PPP1R13B: variants seen among roughly 807,000 people sequenced by gnomAD.
PPP1R13B encodes apoptosis-stimulating of p53 protein 1.
In PPP1R13B, 44 loss-of-function variants were observed where a neutral mutation model predicts 119.8. That is an observed-to-expected ratio of 0.37 (90% CI 0.29 to 0.47). The LOEUF (loss-of-function observed/expected upper bound fraction) is 0.47, where lower values mean the gene tolerates loss of function less well. Ranked by LOEUF, PPP1R13B falls within the 20% of genes least tolerant of loss-of-function variation. PPP1R13B has a pLI of 0.99. For missense variants in PPP1R13B, 1,227 were observed against 1,413.5 expected (o/e 0.87, Z 2.12); for synonymous variants, 542 against 561.5 (o/e 0.97, Z 0.49).
intron 4 of PPP1R13B, chr14:103,763,203 A>T: frequency 1.7e-6 from 1 of 579,564 alleles, no homozygotes; most frequent in Non-Finnish European, 3.1e-6. Flanking sequence ...GAATGTGTCC[A>T]TGAAATAGGG....
intron 12 of PPP1R13B, 118 bp from the exon 13 acceptor site, chr14:103,739,141 G>T: frequency 7.1e-7 from 1 of 1,404,194 alleles, no homozygotes; most frequent in Non-Finnish European, 9.6e-7. Flanking sequence ...CCGCGAAGCA[G>T]CCCTGGAGTG....
intron 1 of PPP1R13B, among the ~76,000 whole-genome samples, chr14:103,812,734 T>G (rs1446369838): frequency 6.6e-6 from 1 of 152,154 alleles, no homozygotes. Flanking sequence ...TAATTTTTAA[T>G]GGGCAAATGA....
intron 4 of PPP1R13B, among the ~76,000 whole-genome samples, chr14:103,767,553 T>G (rs1290757761): frequency 2.0e-5 from 3 of 152,140 alleles, no homozygotes; most frequent in Non-Finnish European, 4.4e-5. Context: ...TGATATATAA[T>G]TCTTGCAGGC....
intron 1 of PPP1R13B, among the ~76,000 whole-genome samples, chr14:103,806,412 T>C (rs1379194313): frequency 6.6e-6 from 1 of 152,192 alleles, no homozygotes; most frequent in Non-Finnish European, 1.5e-5. Flanking sequence ...AAAGCTATAC[T>C]AAATTTTAGT....
chr14:103,841,285 C>CA (rs928305501), intron 1 of PPP1R13B, among the ~76,000 whole-genome samples: 36 of 147,524 alleles, frequency 2.4e-4, no homozygotes, highest in South Asian at 6.4e-4. Flanking sequence ...AACTCTGTCT[C>CA]AAAAAAAAAA....
chr14:103,810,149 C>T (rs1042167486), intron 1 of PPP1R13B, among the ~76,000 whole-genome samples: 4 of 151,974 alleles, frequency 2.6e-5, no homozygotes, highest in South Asian at 2.1e-4. Flanking sequence ...AAAGGCCAGG[C>T]GTGGAGGCTC....
At chr14:103,808,913 G>A (rs965682845) in intron 1 of PPP1R13B, among the ~76,000 whole-genome samples, 2 of 151,938 alleles carry the variant, frequency 1.3e-5, no homozygotes, top group East Asian at 3.9e-4. Context: ...CTGCTGCCCA[G>A]GCTGAGCGCA....
chr14:103,751,408 C>T (rs1012517524), intron 7 of PPP1R13B, among the ~76,000 whole-genome samples: 1 of 152,212 alleles, frequency 6.6e-6, no homozygotes, highest in Non-Finnish European at 1.5e-5. Flanking sequence ...ACCCTCATTT[C>T]ATAAAATGAT....
At chr14:103,797,291 G>A (rs900397569) in intron 2 of PPP1R13B, 80 bp downstream of exon 2, 33 of 1,409,848 alleles carry the variant, frequency 2.3e-5, no homozygotes, top group Non-Finnish European at 2.9e-5. Context: ...CAGAAAAAAA[G>A]CAAATCCAGC....
chr14:103,736,398 C>T (rs2084113233), intron 15 of PPP1R13B, 196 bp from the exon 16 acceptor site: 1 of 611,112 alleles, frequency 1.6e-6, no homozygotes. Flanking sequence ...CCAGCTGCTG[C>T]TCCTGCTGCC....
intron 2 of PPP1R13B, among the ~76,000 whole-genome samples, chr14:103,789,109 T>C (rs2085544457): frequency 6.6e-6 from 1 of 152,228 alleles, no homozygotes; most frequent in African/African-American, 2.4e-5. Context: ...AATTTTTCAT[T>C]CTACTGAGAG....
chr14:103,826,748 C>CAT (rs1229147453), intron 1 of PPP1R13B, among the ~76,000 whole-genome samples: 2 of 150,052 alleles, frequency 1.3e-5, no homozygotes, highest in East Asian at 3.9e-4. Flanking sequence ...GTGGCTCATG[C>CAT]CTGTAATCCC....
intron 1 of PPP1R13B, among the ~76,000 whole-genome samples, chr14:103,810,852 G>A (rs2086135598): frequency 6.6e-6 from 1 of 151,522 alleles, no homozygotes; most frequent in South Asian, 2.1e-4. Context: ...ACTTTGGGAA[G>A]CTGAGCCCGG....
At chr14:103,760,587 A>C (rs570662816) in intron 4 of PPP1R13B, among the ~76,000 whole-genome samples, 1 of 152,266 alleles carries the variant, frequency 6.6e-6, no homozygotes, top group African/African-American at 2.4e-5. Context: ...CCAGCCTTAA[A>C]CCTGCTCCGA....
Position 103,742,297 on chromosome 14 carries a change from T to G in PPP1R13B, c.1321-6A>C. 1.3e-6 allele frequency: 2 copies of G among 1,537,650 alleles called. No individual in the cohort carries two copies. The highest frequency in any genetic ancestry group is 1.7e-6 in the Non-Finnish European group (2 of 1,150,296). On this transcript the variant is annotated splice_region_variant and splice_polypyrimidine_tract_variant and intron_variant, in intron 10 of 16. Coordinates refer to ENST00000202556, the MANE Select transcript of PPP1R13B (RefSeq NM_015316.3). The surrounding 1 kb of genome is among the most constrained non-coding windows in gnomAD (Gnocchi z 4.9). ...ACTTTACCAATCTCGATGCCCTAAG[T>G]TTAGGTGTTAAGAAGAAAAACAAAG...
intron 5 of PPP1R13B, among the ~76,000 whole-genome samples, chr14:103,754,767 G>A (rs1473118644): frequency 6.6e-6 from 1 of 151,474 alleles, no homozygotes; most frequent in Non-Finnish European, 1.5e-5. Context: ...TAAGAGAGAG[G>A]GTTTTCTTTT....
intron 1 of PPP1R13B, among the ~76,000 whole-genome samples, chr14:103,825,799 G>A (rs562100443): frequency 7.5e-4 from 114 of 151,916 alleles, no homozygotes; most frequent in African/African-American, 2.6e-3. Context: ...AATCACTGAC[G>A]AAGGTGACTA....
At chr14:103,840,746 G>A (rs1258851109) in intron 1 of PPP1R13B, among the ~76,000 whole-genome samples, 1 of 151,470 alleles carries the variant, frequency 6.6e-6, no homozygotes, top group African/African-American at 2.4e-5. Context: ...AGCCGAGATG[G>A]CACCCCTGCA....
At chr14:103,818,421 AAAC>A in intron 1 of PPP1R13B, 1 of 897,316 alleles carries the variant, frequency 1.1e-6, no homozygotes, top group East Asian at 1.2e-4. Flanking sequence ...CTACTCTTGC[AAAC>A]AACAACCTAT....
Sources: allele counts gnomAD v4.1 joint callset (sites outside exome capture counted in the v4.1 genomes callset), GRCh38; gene constraint gnomAD v4.1.1; non-coding constraint Gnocchi (gnomAD v3.1); transcripts MANE v1.5; gene names NCBI Gene and HGNC (gene_info 2026-07-23, HGNC 2026-07-21).